FAM174A: variants seen among roughly 807,000 people sequenced by gnomAD.
FAM174A encodes the protein membrane protein FAM174A.
A neutral mutation model predicts 14.3 loss-of-function variants in FAM174A; 14 were observed. The observed-to-expected ratio is 0.98, with a 90% confidence interval of 0.65 to 1.53. The LOEUF (loss-of-function observed/expected upper bound fraction) is 1.53, where lower values mean the gene tolerates loss of function less well. FAM174A is among the 40% of genes most tolerant of loss of function. The pLI, the probability that FAM174A is intolerant of heterozygous loss-of-function variation, is 0.00. For missense variants in FAM174A, 241 were observed against 249.6 expected, an observed-to-expected ratio of 0.97 and a Z score of 0.23; for synonymous variants, 108 against 111.4, an observed-to-expected ratio of 0.97 and a Z score of 0.19.
chr5:100,539,186 C>A (rs1477865435), intron 1 of FAM174A, among the ~76,000 whole-genome samples: 1 of 151,952 alleles, frequency 6.6e-6, no homozygotes, highest in African/African-American at 2.4e-5. Context: ...ATTATGATAG[C>A]CTTTATTTAA....
At chr5:100,565,873 T>C (rs748220850) in intron 2 of FAM174A, among the ~76,000 whole-genome samples, 2 of 151,394 alleles carry the variant, frequency 1.3e-5, no homozygotes, top group Non-Finnish European at 3.0e-5. Context: ...ATCATGGCAG[T>C]AGGCAAAGGA....
intron 1 of FAM174A, among the ~76,000 whole-genome samples, chr5:100,555,937 T>C (rs1181985601): frequency 1.4e-5 from 2 of 142,300 alleles, no homozygotes; most frequent in Non-Finnish European, 3.1e-5. Flanking sequence ...GCAGAAGCTC[T>C]TTAGTTTAAT....
At chr5:100,545,579 TTTAG>T (rs767261403) in intron 1 of FAM174A, among the ~76,000 whole-genome samples, 4 of 152,164 alleles carry the variant, frequency 2.6e-5, no homozygotes, top group Non-Finnish European at 4.4e-5. Flanking sequence ...ATGGTTTGAC[TTTAG>T]TTATACTGTA....
At chr5:100,578,214 G>A (rs931494567) in intron 2 of FAM174A, among the ~76,000 whole-genome samples, 1 of 152,052 alleles carries the variant, frequency 6.6e-6, no homozygotes. Context: ...GAACTGAGAA[G>A]TATTATAATA....
chr5:100,562,247 T>G, intron 2 of FAM174A, 59 bp downstream of exon 2: 2 of 1,465,130 alleles, frequency 1.4e-6, no homozygotes, highest in East Asian at 2.6e-5. Flanking sequence ...CCAAGTAAAC[T>G]GAAGAAGTAA....
At chr5:100,560,741 A>C (rs1156965625) in intron 1 of FAM174A, among the ~76,000 whole-genome samples, 1 of 152,020 alleles carries the variant, frequency 6.6e-6, no homozygotes, top group East Asian at 1.9e-4. Context: ...TTCTTATCCC[A>C]CATATGTCAA....
chr5:100,571,762 C>A (rs959473887), intron 2 of FAM174A, among the ~76,000 whole-genome samples: 8 of 150,318 alleles, frequency 5.3e-5, no homozygotes, highest in African/African-American at 2.0e-4. Flanking sequence ...AATGTGGCAT[C>A]TTTTACTGTT....
intron 1 of FAM174A, among the ~76,000 whole-genome samples, chr5:100,558,686 T>G (rs1746453054): frequency 6.6e-6 from 1 of 152,182 alleles, no homozygotes; most frequent in African/African-American, 2.4e-5. Context: ...CCTTTACCAT[T>G]ATGTAATGGC....
chr5:100,566,748 A>G lies in FAM174A; in HGVS notation c.569+4560A>G, dbSNP rs530076989. Among the ~76,000 whole-genome samples, 5 of 152,018 alleles carry G rather than the reference A, an allele frequency of 3.3e-5. No individual in the cohort carries two copies. The South Asian group carries it at 6.2e-4, about 19-fold the overall frequency. On this transcript the variant is annotated intron_variant, in intron 2 of 2. Coordinates refer to ENST00000312637, the MANE Select transcript of FAM174A (RefSeq NM_198507.3). ...AAGCATATCCAATTTTTATTTACCA[A>G]TTATACCTCAGTAAAGATGGAGAAA...
At chr5:100,585,528 C>T (rs549640274) in intron 2 of FAM174A, among the ~76,000 whole-genome samples, 2 of 152,258 alleles carry the variant, frequency 1.3e-5, no homozygotes, top group South Asian at 4.1e-4. Context: ...ATTCTCCTGC[C>T]TCAGCCTCCT....
chr5:100,572,566 A>AC lies in FAM174A; in HGVS notation c.569+10379dup, dbSNP rs1746810276. 1.4e-4 allele frequency among the ~76,000 whole-genome samples: 22 copies of AC among 151,842 alleles called. 1 individual carries two copies. The South Asian group carries it at 4.6e-3, about 32-fold the overall frequency. On this transcript the variant is annotated intron_variant, in intron 2 of 2. Coordinates refer to ENST00000312637, the MANE Select transcript of FAM174A (RefSeq NM_198507.3). ...GATTTCCAATTTCATTCATGTCCCT[A>AC]CAAAGGACATGAACTCATCATTTTT...
chr5:100,568,779 G>A (rs1486804127), intron 2 of FAM174A, among the ~76,000 whole-genome samples: 1 of 151,748 alleles, frequency 6.6e-6, no homozygotes, highest in Non-Finnish European at 1.5e-5. Context: ...GTCCCATCAT[G>A]TCCAGTACTA....
At chr5:100,551,377 C>T (rs537159203) in intron 1 of FAM174A, among the ~76,000 whole-genome samples, 1 of 152,246 alleles carries the variant, frequency 6.6e-6, no homozygotes, top group Admixed American at 6.5e-5. Context: ...AGAGCCTGGC[C>T]ATCCTGACTA....
intron 2 of FAM174A, among the ~76,000 whole-genome samples, chr5:100,583,108 A>T (rs1013229928): frequency 6.6e-6 from 1 of 152,186 alleles, no homozygotes; most frequent in Admixed American, 6.5e-5. Flanking sequence ...AATCATAAGG[A>T]AGAGAAAATA....
chr5:100,546,033 C>T (rs559585588), intron 1 of FAM174A, among the ~76,000 whole-genome samples: 6 of 152,200 alleles, frequency 3.9e-5, no homozygotes, highest in South Asian at 2.1e-4. Flanking sequence ...TGAGAAGCTA[C>T]GTATTTTAAT....
chr5:100,558,463 G>A lies in FAM174A; in HGVS notation c.435-3591G>A, dbSNP rs979274932. ...TAGATGTCTATTAGGTCCGCCTGGT[G>A]CAGAGCTGAGTTCAGTTCCTGGATA... On this transcript the variant is annotated intron_variant, in intron 1 of 2. Transcript: ENST00000312637. Among the ~76,000 whole-genome samples the A allele has an allele frequency of 2.6e-5, 4 of 152,160 alleles. No individual in the cohort carries two copies. The South Asian group carries it at 8.3e-4, about 32-fold the overall frequency.
chr5:100,542,737 T>TA (rs900131288), intron 1 of FAM174A, among the ~76,000 whole-genome samples: 1 of 152,166 alleles, frequency 6.6e-6, no homozygotes, highest in Non-Finnish European at 1.5e-5. Context: ...CTTACGTTTG[T>TA]AATCCCAGCA....
intron 2 of FAM174A, among the ~76,000 whole-genome samples, chr5:100,579,444 G>T (rs1461705648): frequency 6.6e-6 from 1 of 151,682 alleles, no homozygotes; most frequent in African/African-American, 2.4e-5. Flanking sequence ...TTTTAATTAA[G>T]ATGGAGTTTC....
intron 1 of FAM174A, among the ~76,000 whole-genome samples, chr5:100,557,200 T>A (rs1746409365): frequency 6.7e-6 from 1 of 148,552 alleles, no homozygotes; most frequent in South Asian, 2.1e-4. Context: ...ATTGAGATAA[T>A]CATGTGGTTT....
Sources: gnomAD v4.1 joint callset for allele counts (sites outside exome capture counted in the v4.1 genomes callset) on GRCh38, gnomAD v4.1.1 for gene constraint, MANE v1.5 for transcripts, NCBI Gene and HGNC (gene_info 2026-07-23, HGNC 2026-07-21) for gene names.